Variants in SULF2 observed in about 807,000 individuals in gnomAD.
SULF2 encodes the protein sulfatase 2, also known as extracellular sulfatase Sulf-2.
A neutral mutation model predicts 107.7 loss-of-function variants in SULF2; 52 were observed. That is an observed-to-expected ratio of 0.48 (90% CI 0.39 to 0.61). The LOEUF (loss-of-function observed/expected upper bound fraction) is 0.61. SULF2 is among the 20% of genes least tolerant of loss of function. The pLI is 0.00. For synonymous variants in SULF2, 460 were observed against 464.3 expected (o/e 0.99, Z 0.12); for missense variants, 993 against 1,177.3 (o/e 0.84, Z 2.29).
At chr20:47,755,037 T>C (rs1478151034) in intron 2 of SULF2, among the ~76,000 whole-genome samples, 1 of 152,054 alleles carries the variant, frequency 6.6e-6, no homozygotes, top group Non-Finnish European at 1.5e-5. Flanking sequence ...GGGGTCTCAC[T>C]ATGTTGCCCA....
chr20:47,763,637 A>G (rs540163709), intron 1 of SULF2, among the ~76,000 whole-genome samples: 1 of 152,328 alleles, frequency 6.6e-6, no homozygotes, highest in South Asian at 2.1e-4. Flanking sequence ...AGAGCCCCGC[A>G]ACAGACCTAG....
At chr20:47,658,414 TC>T in intron 20 of SULF2, 22 bp from the exon 21 acceptor site, 1 of 1,613,896 alleles carries the variant, frequency 6.2e-7, no homozygotes, top group African/African-American at 1.3e-5. Flanking sequence ...AACAAACTCA[TC>T]TTAGCACTTA....
rs1555856175 is a variant in SULF2, at chr20:47,753,116, A to AG, written c.175+4072_175+4073insC. 3.5e-3 allele frequency among the ~76,000 whole-genome samples: 501 copies of AG among 143,240 alleles called. 2 individuals are homozygous for AG. Among genetic ancestry groups the AG allele is most frequent in the African/African-American group, 0.013 (470 of 37,426 alleles). The allele number at this position is 143,240 out of a possible 152,430, so 94.0% of individuals were successfully genotyped here. A position where few individuals can be genotyped will look rare whatever the true frequency, so the allele number is the denominator to read the frequency against. On this transcript the variant is annotated intron_variant, in intron 2 of 20. Transcript: ENST00000688720. ...ACTCTCTCAAAAAAAAAAAAAAAAA[A>AG]AAAGAAAGAAAAGAAAAGAAATGCA...
intron 3 of SULF2, among the ~76,000 whole-genome samples, chr20:47,703,771 A>G (rs925603855): frequency 1.3e-5 from 2 of 152,242 alleles, no homozygotes; most frequent in Admixed American, 6.5e-5. Context: ...TTATCAACAA[A>G]AGGATGGGTA....
intron 2 of SULF2, among the ~76,000 whole-genome samples, chr20:47,749,079 T>C (rs767928749): frequency 2.0e-5 from 3 of 151,938 alleles, no homozygotes; most frequent in African/African-American, 4.8e-5. Flanking sequence ...AGTGTGGCTA[T>C]GAGAGCTGGA....
intron 1 of SULF2, among the ~76,000 whole-genome samples, chr20:47,782,054 TTC>T (rs2090842548): frequency 2.0e-5 from 3 of 152,344 alleles, no homozygotes; most frequent in Non-Finnish European, 4.4e-5. Flanking sequence ...AGTTTTTTTC[TTC>T]TCTTTTTCCG....
intron 1 of SULF2, among the ~76,000 whole-genome samples, chr20:47,769,840 G>T (rs4810684): frequency 6.6e-6 from 1 of 151,794 alleles, no homozygotes; most frequent in African/African-American, 2.4e-5. Flanking sequence ...AGGCCTGAGA[G>T]ATGACAGTTG....
chr20:47,672,097 G>T, intron 11 of SULF2, 101 bp downstream of exon 11: 1 of 1,301,986 alleles, frequency 7.7e-7, no homozygotes, highest in Non-Finnish European at 1.1e-6. Flanking sequence ...TCACCACCTG[G>T]CAAAGTGACA....
At chr20:47,661,046 C>T (rs900651144) in intron 18 of SULF2, among the ~76,000 whole-genome samples, 3 of 152,094 alleles carry the variant, frequency 2.0e-5, no homozygotes, top group Admixed American at 6.6e-5. Flanking sequence ...TAGCAAATGT[C>T]GGTGCCCAGG....
At chr20:47,748,058 A>G (rs2090083438) in intron 2 of SULF2, among the ~76,000 whole-genome samples, 1 of 152,166 alleles carries the variant, frequency 6.6e-6, no homozygotes, top group Non-Finnish European at 1.5e-5. Context: ...CTCTGAGAAC[A>G]TGCACGCATA....
chr20:47,754,131 C>G (rs2090224876), intron 2 of SULF2, among the ~76,000 whole-genome samples: 1 of 152,128 alleles, frequency 6.6e-6, no homozygotes, highest in South Asian at 2.1e-4. Context: ...GCCCCGAACC[C>G]CCCAACCTTG....
At chr20:47,733,985 C>T (rs1404573359) in intron 3 of SULF2, among the ~76,000 whole-genome samples, 1 of 152,194 alleles carries the variant, frequency 6.6e-6, no homozygotes, top group African/African-American at 2.4e-5. Context: ...TGGCTAATAA[C>T]TGTTAGGGTG....
chr20:47,657,668 T>TTTTC lies in SULF2; in HGVS notation c.*690_*693dup, dbSNP rs2086939239. On this transcript the variant is annotated 3_prime_UTR_variant, in exon 21 of 21. Coordinates refer to ENST00000688720, the MANE Select transcript of SULF2 (RefSeq NM_001387048.1). Reference sequence around the variant, plus strand: ...CAGAAATGTCCACAACTGCGAGGGATTTTCTTTTACACTGGCCACAGAGCG... The same window carrying TTTTC: ...CAGAAATGTCCACAACTGCGAGGGATTTTCTTTCTTTTACACTGGCCACAGAGCG... The TTTTC allele has an allele frequency of 1.3e-5, 2 of 152,098 alleles. No individual in the cohort carries two copies. Among genetic ancestry groups the TTTTC allele is most frequent in the South Asian group, 4.1e-4 (2 of 4,826 alleles). 9.4% of individuals were successfully genotyped at this position (152,098 alleles called of 1,614,324 possible).
At chr20:47,782,392 C>T (rs1356064369) in intron 1 of SULF2, among the ~76,000 whole-genome samples, 3 of 152,298 alleles carry the variant, frequency 2.0e-5, no homozygotes, top group East Asian at 3.9e-4. Context: ...GCCTTCAATC[C>T]GGCTGGGCCA....
intron 3 of SULF2, among the ~76,000 whole-genome samples, chr20:47,707,168 T>C (rs2088772499): frequency 6.6e-6 from 1 of 152,040 alleles, no homozygotes; most frequent in Non-Finnish European, 1.5e-5. Flanking sequence ...TTTGTATTTT[T>C]AGTAGAGATA....
intron 3 of SULF2, among the ~76,000 whole-genome samples, chr20:47,728,890 C>T (rs2089520129): frequency 6.6e-6 from 1 of 152,236 alleles, no homozygotes; most frequent in Non-Finnish European, 1.5e-5. Context: ...AAGTGATCCA[C>T]CCGCCTCAGC....
intron 3 of SULF2, among the ~76,000 whole-genome samples, chr20:47,707,683 A>C: frequency 6.6e-6 from 1 of 152,044 alleles, no homozygotes; most frequent in Non-Finnish European, 1.5e-5. Flanking sequence ...GCCCCCTTTT[A>C]AAAAGCAACT....
chr20:47,700,334 G>GTAACTACAGTTA (rs2088520328), intron 4 of SULF2, among the ~76,000 whole-genome samples: 1 of 152,162 alleles, frequency 6.6e-6, no homozygotes, highest in African/African-American at 2.4e-5. Flanking sequence ...GCAGACTTCT[G>GTAACTACAGTTA]CAGTGGTAAC....
rs527673688 is a variant in SULF2 at position 47,661,152 on chromosome 20, C to T, written c.2494+621G>A. Among the ~76,000 whole-genome samples, 19 of 152,240 alleles carry T rather than the reference C, an allele frequency of 1.2e-4. No homozygotes were observed. In the South Asian group the frequency reaches 2.1e-3, roughly 17 times the overall value. ...CACACAGGGTGGCCCGATGCCCTCC[C>T]GCCACTCTCCACTGGCCTCAGTTGT... is the stretch of plus-strand genomic sequence containing the variant. On this transcript the variant is annotated intron_variant, in intron 18 of 20. Transcript: ENST00000688720.
Sources: allele counts gnomAD v4.1 joint callset (sites outside exome capture counted in the v4.1 genomes callset), GRCh38; gene constraint gnomAD v4.1.1; transcripts MANE v1.5; gene names NCBI Gene and HGNC (gene_info 2026-07-23, HGNC 2026-07-21).